The following DLGAP2 variants were observed in gnomAD, a reference collection of about 807,000 sequenced individuals.
The protein encoded by DLGAP2 is DLG associated protein 2, also known as disks large-associated protein 2.
In DLGAP2, 26 loss-of-function variants were observed where a neutral mutation model predicts 100.3. The ratio of observed to expected loss-of-function variants is 0.26; its 90% CI spans 0.19 to 0.36. DLGAP2 has a LOEUF of 0.36. Among genes scored for constraint, DLGAP2 ranks in the 10% least tolerant of loss-of-function variants. The pLI, the probability that DLGAP2 is intolerant of heterozygous loss-of-function variation, is 1.00. For missense variants in DLGAP2, 1,858 were observed against 1,453.2 expected (o/e 1.28, Z -4.53); for synonymous variants, 886 against 630.1 (o/e 1.41, Z -6.08).
intron 6 of DLGAP2, among the ~76,000 whole-genome samples, chr8:1,618,098 C>T (rs551831878): frequency 4.5e-4 from 69 of 152,248 alleles, no homozygotes; most frequent in African/African-American, 1.5e-3. Context: ...TGGAGGTCCT[C>T]GCCAGACACA....
At chr8:1,167,540 A>G (rs1206114572) in intron 2 of DLGAP2, among the ~76,000 whole-genome samples, 3 of 152,204 alleles carry the variant, frequency 2.0e-5, no homozygotes, top group Non-Finnish European at 4.4e-5. Context: ...CTTAGTCATG[A>G]ACTGCACCCT....
At chr8:1,124,013 ATTC>A (rs956428630) in intron 2 of DLGAP2, among the ~76,000 whole-genome samples, 10 of 137,434 alleles carry the variant, frequency 7.3e-5, no homozygotes, top group Admixed American at 5.0e-4. Context: ...AGAGCGTGGT[ATTC>A]TTAAAAAAAA....
intron 6 of DLGAP2, among the ~76,000 whole-genome samples, chr8:1,615,666 A>G (rs1797127113): frequency 6.6e-6 from 1 of 151,838 alleles, no homozygotes; most frequent in Non-Finnish European, 1.5e-5. Context: ...TGATATAAAA[A>G]TGTTAGAACT....
At chr8:1,209,256 A>G (rs939542271) in intron 2 of DLGAP2, among the ~76,000 whole-genome samples, 34 of 152,226 alleles carry the variant, frequency 2.2e-4, no homozygotes, top group African/African-American at 6.5e-4. Context: ...AAACTATACT[A>G]TAAGGCTATA....
At chr8:1,233,789 T>G (rs1247993608) in intron 2 of DLGAP2, among the ~76,000 whole-genome samples, 1 of 152,152 alleles carries the variant, frequency 6.6e-6, no homozygotes, top group Non-Finnish European at 1.5e-5. Flanking sequence ...ACTCCCTACT[T>G]GAAAATATAA....
chr8:1,024,434 C>T (rs925280011), intron 2 of DLGAP2, among the ~76,000 whole-genome samples: 1 of 152,086 alleles, frequency 6.6e-6, no homozygotes, highest in Non-Finnish European at 1.5e-5. Context: ...ACACCCCAGC[C>T]GCCACCCACC....
Position 866,249 on chromosome 8 carries a change from C to T in DLGAP2, c.19-41663C>T, listed in dbSNP as rs914428454. Among the ~76,000 whole-genome samples the T allele has an allele frequency of 7.9e-5, 12 of 152,294 alleles. No individual in the cohort carries two copies. The South Asian group carries it at 1.0e-3, about 13-fold the overall frequency. On this transcript the variant is annotated intron_variant, in intron 1 of 14. Coordinates refer to ENST00000637795, the MANE Select transcript of DLGAP2 (RefSeq NM_001346810.2). ...CAGGCCTGTCCAGATCTTCCGGGGC[C>T]GTGCCGGTATCTCTCATGGACTCTC...
At chr8:1,253,938 T>C (rs1799110747) in intron 2 of DLGAP2, among the ~76,000 whole-genome samples, 1 of 152,214 alleles carries the variant, frequency 6.6e-6, no homozygotes, top group Non-Finnish European at 1.5e-5. Flanking sequence ...GTGATGAAGA[T>C]GAACTGTGGG....
intron 3 of DLGAP2, among the ~76,000 whole-genome samples, chr8:1,494,318 C>A (rs1563181808): frequency 6.6e-6 from 1 of 152,220 alleles, no homozygotes; most frequent in Admixed American, 6.5e-5. Context: ...GAGACAACTT[C>A]CCCCTGAGAA....
intron 2 of DLGAP2, among the ~76,000 whole-genome samples, chr8:1,189,331 A>G (rs1797586157): frequency 6.6e-6 from 1 of 152,242 alleles, no homozygotes; most frequent in South Asian, 2.1e-4. Flanking sequence ...AGCCCATCGT[A>G]GGAGTCACAC....
At chr8:993,806 T>C (rs1800702468) in intron 2 of DLGAP2, among the ~76,000 whole-genome samples, 2 of 150,252 alleles carry the variant, frequency 1.3e-5, no homozygotes, top group Admixed American at 6.6e-5. Context: ...TTTTTTTTTT[T>C]TTTTTGGTGT....
At chr8:996,470 A>G (rs1300992859) in intron 2 of DLGAP2, among the ~76,000 whole-genome samples, 1 of 152,130 alleles carries the variant, frequency 6.6e-6, no homozygotes, top group Non-Finnish European at 1.5e-5. Flanking sequence ...CTGAAGGAAC[A>G]TTGTGTTAGG....
intron 2 of DLGAP2, among the ~76,000 whole-genome samples, chr8:1,092,346 G>T (rs571381627): frequency 6.6e-6 from 1 of 152,222 alleles, no homozygotes; most frequent in South Asian, 2.1e-4. Context: ...TGGTGGCCAC[G>T]TGGATGCGTA....
At chr8:1,489,175 T>C (rs1799305643) in intron 3 of DLGAP2, among the ~76,000 whole-genome samples, 2 of 152,174 alleles carry the variant, frequency 1.3e-5, no homozygotes, top group African/African-American at 4.8e-5. Flanking sequence ...GAAACAACAT[T>C]CCATGCTGAA....
At chr8:1,457,816 C>T in intron 3 of DLGAP2, among the ~76,000 whole-genome samples, 1 of 151,802 alleles carries the variant, frequency 6.6e-6, no homozygotes, top group East Asian at 1.9e-4. Context: ...CAACAAATAG[C>T]TGTTGTCTGC....
Position 1,504,830 on chromosome 8 carries a change from G to A in DLGAP2, c.172+3399G>A, listed in dbSNP as rs182021468. On this transcript the variant is annotated intron_variant, in intron 4 of 14. Transcript: ENST00000637795. The stretch of plus-strand genomic sequence containing the variant: ...TGGCTGTGGTGAACAGCATCTTAAC[G>A]AACACGAGAGAGCAGATACCCCTTC... 4.2e-3 allele frequency among the ~76,000 whole-genome samples: 636 copies of A among 152,264 alleles called. 7 individuals carry two copies. Among genetic ancestry groups the A allele is most frequent in the Non-Finnish European group, 7.5e-3 (511 of 68,022 alleles).
rs184451925 is a variant in DLGAP2, at chr8:1,210,832, C to T, written c.74-48019C>T. On this transcript the variant is annotated intron_variant, in intron 2 of 14. Transcript: ENST00000637795. ...GTGGTCGGTTTTCCCATGTGGGACA[C>T]TTTGTAAGGTCACTCCCCTGTAGTT... is the stretch of plus-strand genomic sequence containing the variant. Among the ~76,000 whole-genome samples the T allele has an allele frequency of 1.7e-3, 262 of 152,234 alleles. 2 individuals are homozygous for T. The highest frequency in any genetic ancestry group is 1.5e-3 in the Non-Finnish European group (100 of 68,014).
intron 3 of DLGAP2, among the ~76,000 whole-genome samples, chr8:1,368,368 TGCATGTGC>T (rs1802159113): frequency 6.6e-6 from 1 of 151,776 alleles, no homozygotes; most frequent in Non-Finnish European, 1.5e-5. Context: ...TGTGTATGGG[TGCATGTGC>T]ATATGTGCAT....
chr8:1,664,058 C>T (rs923449043), intron 8 of DLGAP2, among the ~76,000 whole-genome samples: 1 of 152,176 alleles, frequency 6.6e-6, no homozygotes, highest in Non-Finnish European at 1.5e-5. Context: ...ACAACTGATC[C>T]ACTGATACCA....
Sources: allele counts gnomAD v4.1 joint callset (sites outside exome capture counted in the v4.1 genomes callset), GRCh38; gene constraint gnomAD v4.1.1; transcripts MANE v1.5; gene names NCBI Gene and HGNC (gene_info 2026-07-23, HGNC 2026-07-21).